The following RNF150 variants were observed in gnomAD, a reference collection of about 807,000 sequenced individuals.
The protein encoded by RNF150 is ring finger protein 150.
RNF150 carries 24 observed loss-of-function variants against 39.3 expected under a neutral mutation model. That is an observed-to-expected ratio of 0.61 (90% CI 0.44 to 0.86). The LOEUF is 0.86. Ranked by LOEUF, RNF150 falls within the 40% of genes least tolerant of loss-of-function variation. The pLI is 0.00. For synonymous variants in RNF150, 255 were observed against 227.3 expected (o/e 1.12, Z -1.10); for missense variants, 502 against 587.8 (o/e 0.85, Z 1.51).
intron 1 of RNF150, among the ~76,000 whole-genome samples, chr4:141,161,148 A>G (rs1727505632): frequency 6.6e-6 from 1 of 152,184 alleles, no homozygotes; most frequent in South Asian, 2.1e-4. Context: ...TATAGACATT[A>G]AAGTCCTGGA....
intron 6 of RNF150, among the ~76,000 whole-genome samples, chr4:140,880,754 A>T (rs1729343826): frequency 6.6e-6 from 1 of 152,040 alleles, no homozygotes. Flanking sequence ...TTCATGATTC[A>T]GTCATAACAG....
chr4:141,020,635 A>G (rs1425432479), intron 1 of RNF150, among the ~76,000 whole-genome samples: 1 of 152,186 alleles, frequency 6.6e-6, no homozygotes, highest in Admixed American at 6.5e-5. Context: ...ATCTTTCTAA[A>G]TAGTCAGGAA....
At chr4:141,104,314 C>T (rs1422896436) in intron 1 of RNF150, among the ~76,000 whole-genome samples, 1 of 152,172 alleles carries the variant, frequency 6.6e-6, no homozygotes, top group African/African-American at 2.4e-5. Context: ...GAGCCATCTT[C>T]GCAATTGCTT....
At chr4:140,970,591 C>A (rs985108753) in intron 1 of RNF150, among the ~76,000 whole-genome samples, 3 of 132,802 alleles carry the variant, frequency 2.3e-5, no homozygotes, top group Non-Finnish European at 3.3e-5. Flanking sequence ...AAATAGGCAA[C>A]CAAATTTTGG....
chr4:141,086,431 T>G (rs925312366), intron 1 of RNF150, among the ~76,000 whole-genome samples: 1 of 152,146 alleles, frequency 6.6e-6, no homozygotes, highest in Non-Finnish European at 1.5e-5. Flanking sequence ...TTTATCCCTA[T>G]TAATGCTTTT....
chr4:141,152,887 T>G (rs1040822487), intron 1 of RNF150, among the ~76,000 whole-genome samples: 1 of 152,134 alleles, frequency 6.6e-6, no homozygotes, highest in African/African-American at 2.4e-5. Context: ...AATATGCAGG[T>G]TTTTTACATA....
At chr4:140,935,046 A>AAATATATATATATTATATATATAAAT (rs1553993278) in intron 4 of RNF150, among the ~76,000 whole-genome samples, 5 of 93,686 alleles carry the variant, frequency 5.3e-5, no homozygotes, top group African/African-American at 2.5e-4. Flanking sequence ...TATATATATA[A>AAATATATATATATTATATATATAAAT]ATATATATAT....
At chr4:140,970,602 A>T (rs1733427132) in intron 1 of RNF150, among the ~76,000 whole-genome samples, 1 of 116,638 alleles carries the variant, frequency 8.6e-6, no homozygotes, top group Admixed American at 8.6e-5. Flanking sequence ...CAAATTTTGG[A>T]TCTCCACAAG....
chr4:140,896,101 A>C (rs1729932063), intron 6 of RNF150, among the ~76,000 whole-genome samples: 1 of 105,996 alleles, frequency 9.4e-6, no homozygotes, highest in African/African-American at 3.9e-5. Flanking sequence ...ACTGTAAACT[A>C]GTTCAACCAT....
chr4:141,048,083 C>A (rs1047066839), intron 1 of RNF150, among the ~76,000 whole-genome samples: 2 of 152,276 alleles, frequency 1.3e-5, no homozygotes, highest in Admixed American at 6.5e-5. Context: ...CACTTCCTAT[C>A]GGGTCCTCAA....
chr4:141,132,623 G>C lies in RNF150; in HGVS notation c.186C>G (p.Gly62=), dbSNP rs536533182. ...APDPGAGAAG[G]GGAELHTEKT... is the part of the protein sequence containing the mutation. ...TCTCCGTGTGCAGCTCCGCGCCGCC[G>C]CCGCCCGCCGCCCCGGCCCCGGGGT... The change falls in exon 1 of 7, where the codon GGC becomes GGG. Residue 62 remains glycine, a synonymous_variant. Coordinates refer to ENST00000515673, the MANE Select transcript of RNF150 (RefSeq NM_020724.2). The surrounding 1 kb of genome is among the most constrained non-coding windows in gnomAD (Gnocchi z 4.9). 3.9e-6 allele frequency: 6 copies of C among 1,551,670 alleles called. No individual in the cohort carries two copies. In the East Asian group the frequency reaches 1.4e-4, roughly 37 times the overall value.
intron 1 of RNF150, among the ~76,000 whole-genome samples, chr4:141,120,436 A>C (rs1430408418): frequency 6.6e-6 from 1 of 152,166 alleles, no homozygotes; most frequent in Non-Finnish European, 1.5e-5. Context: ...ATAAAACCCC[A>C]TGATTCTAAA....
At chr4:140,870,358 T>A (rs776132351) in intron 6 of RNF150, among the ~76,000 whole-genome samples, 2 of 152,184 alleles carry the variant, frequency 1.3e-5, no homozygotes, top group Non-Finnish European at 2.9e-5. Context: ...AAACTAGTCA[T>A]TTAGAAAAAA....
chr4:141,089,444 C>T (rs1295119802), intron 1 of RNF150, among the ~76,000 whole-genome samples: 2 of 152,070 alleles, frequency 1.3e-5, no homozygotes, highest in South Asian at 2.1e-4. Flanking sequence ...GCAAGAAAGA[C>T]GGTAGGAACA....
At chr4:141,091,537 T>A (rs746585594) in intron 1 of RNF150, among the ~76,000 whole-genome samples, 1 of 152,144 alleles carries the variant, frequency 6.6e-6, no homozygotes. Flanking sequence ...ATCAAACAGT[T>A]AAGTAGACTC....
chr4:141,082,661 T>C (rs1165277343), intron 1 of RNF150, among the ~76,000 whole-genome samples: 1 of 149,484 alleles, frequency 6.7e-6, no homozygotes, highest in Non-Finnish European at 1.5e-5. Flanking sequence ...GGATCTCGGC[T>C]CACTGCAAGC....
chr4:140,885,052 A>G (rs899659614), intron 6 of RNF150, among the ~76,000 whole-genome samples: 16 of 152,134 alleles, frequency 1.1e-4, no homozygotes, highest in African/African-American at 3.9e-4. Context: ...TGGTATCTCC[A>G]TGGAGGAAGG....
chr4:141,179,324 T>C (rs1235614056), intron 1 of RNF150, among the ~76,000 whole-genome samples: 9 of 152,236 alleles, frequency 5.9e-5, no homozygotes, highest in African/African-American at 2.2e-4. Context: ...CTTTATTCCT[T>C]ATCAATTTAG....
intron 6 of RNF150, among the ~76,000 whole-genome samples, chr4:140,885,004 C>T (rs1253575821): frequency 2.3e-4 from 35 of 152,102 alleles, no homozygotes; most frequent in Admixed American, 2.1e-3. Flanking sequence ...GTTATTTCTT[C>T]CAAAGACAAT....
Sources: allele counts gnomAD v4.1 joint callset (sites outside exome capture counted in the v4.1 genomes callset), GRCh38; gene constraint gnomAD v4.1.1; non-coding constraint Gnocchi (gnomAD v3.1); transcripts MANE v1.5; gene names NCBI Gene and HGNC (gene_info 2026-07-23, HGNC 2026-07-21).